PPARGC1A: variants seen among roughly 807,000 people sequenced by gnomAD.
PPARGC1A encodes the protein PPARG coactivator 1 alpha, also known as peroxisome proliferator-activated receptor gamma coactivator 1-alpha.
A neutral mutation model predicts 88.7 loss-of-function variants in PPARGC1A; 25 were observed. The observed-to-expected ratio is 0.28, with a 90% CI of 0.21 to 0.39. PPARGC1A has a LOEUF of 0.39. Among genes scored for constraint, PPARGC1A ranks in the 10% least tolerant of loss-of-function variants. The pLI is 1.00. For synonymous variants in PPARGC1A, 363 were observed against 355.6 expected (o/e 1.02, Z -0.24); for missense variants, 880 against 968.7 (o/e 0.91, Z 1.22).
At chr4:24,074,475 A>G in the PPARGC1A span, among the ~76,000 whole-genome samples, 403 of 152,212 alleles carry the variant, frequency 2.6e-3, 2 homozygotes, top group African/African-American at 9.4e-3. Context: ...GCTTTATTGA[A>G]GTATATAATG....
intron 10 of PPARGC1A, among the ~76,000 whole-genome samples, chr4:23,812,248 T>A (rs1721046032): frequency 6.6e-6 from 1 of 151,992 alleles, no homozygotes; most frequent in South Asian, 2.1e-4. Flanking sequence ...TGGCCAGAAA[T>A]GATGACTTTC....
At chr4:23,921,421 C>A in the PPARGC1A span, among the ~76,000 whole-genome samples, 8 of 152,216 alleles carry the variant, frequency 5.3e-5, no homozygotes, top group African/African-American at 1.9e-4. Context: ...TTTCTTCCAG[C>A]GTCTCCAGTT....
At chr4:24,054,138 A>G in the PPARGC1A span, among the ~76,000 whole-genome samples, 2 of 152,230 alleles carry the variant, frequency 1.3e-5, no homozygotes, top group African/African-American at 2.4e-5. Context: ...ATTAGAGGAT[A>G]GAACCAGCTG....
At chr4:23,879,972 G>C (rs113112281) in intron 2 of PPARGC1A, 1 of 151,970 alleles carries the variant, frequency 6.6e-6, no homozygotes, top group Non-Finnish European at 1.5e-5. Flanking sequence ...CTATGAAAAC[G>C]CTCTGCTCTT....
the PPARGC1A span, among the ~76,000 whole-genome samples, chr4:24,039,455 G>A: frequency 1.3e-5 from 2 of 152,140 alleles, no homozygotes; most frequent in Admixed American, 1.3e-4. Flanking sequence ...TCTAGAATGT[G>A]AATATTTAAG....
chr4:24,273,691 G>A, the PPARGC1A span, among the ~76,000 whole-genome samples: 3 of 150,706 alleles, frequency 2.0e-5, no homozygotes, highest in Non-Finnish European at 4.4e-5. Flanking sequence ...TTGTATGGAC[G>A]AGACTCTAAA....
intron 10 of PPARGC1A, among the ~76,000 whole-genome samples, chr4:23,808,933 T>C (rs1720369802): frequency 6.6e-6 from 1 of 152,130 alleles, no homozygotes; most frequent in Admixed American, 6.6e-5. Context: ...AAAATAACAA[T>C]TATTAAATTT....
At chr4:24,453,745 A>C in the PPARGC1A span, among the ~76,000 whole-genome samples, 1 of 151,460 alleles carries the variant, frequency 6.6e-6, no homozygotes, top group Non-Finnish European at 1.5e-5. Context: ...ATGCCATTGC[A>C]CTCCAGCCTG....
the PPARGC1A span, among the ~76,000 whole-genome samples, chr4:24,455,803 G>A: frequency 3.3e-5 from 5 of 152,300 alleles, 1 homozygote; most frequent in African/African-American, 9.6e-5. Flanking sequence ...GATGCAACAC[G>A]AAGGCCCTCA....
chr4:23,861,615 C>T (rs562378472), intron 2 of PPARGC1A, among the ~76,000 whole-genome samples: 139 of 152,034 alleles, frequency 9.1e-4, no homozygotes, highest in African/African-American at 2.9e-3. Context: ...CTATTATGTG[C>T]AAGGAATTGT....
At chr4:24,259,293 C>G in the PPARGC1A span, among the ~76,000 whole-genome samples, 459 of 152,234 alleles carry the variant, frequency 3.0e-3, 5 homozygotes, top group Non-Finnish European at 4.3e-3. Context: ...CAGCACTGAC[C>G]CCTTCACTCA....
chr4:23,939,400 A>G, the PPARGC1A span, among the ~76,000 whole-genome samples: 1 of 152,212 alleles, frequency 6.6e-6, no homozygotes, highest in African/African-American at 2.4e-5. Context: ...AGCATACTCA[A>G]AAATGTGTGT....
the PPARGC1A span, among the ~76,000 whole-genome samples, chr4:24,257,682 C>T: frequency 6.6e-6 from 1 of 152,172 alleles, no homozygotes; most frequent in Admixed American, 6.5e-5. Flanking sequence ...GCCTCCTCCC[C>T]CTGCCCCATG....
the PPARGC1A span, among the ~76,000 whole-genome samples, chr4:24,225,618 C>T: frequency 6.6e-6 from 1 of 151,670 alleles, no homozygotes; most frequent in Admixed American, 6.6e-5. Context: ...AAGCTGAATC[C>T]CATGAGATTT....
At chr4:24,296,012 A>ATATATGTGTGTG in the PPARGC1A span, among the ~76,000 whole-genome samples, 6 of 86,668 alleles carry the variant, frequency 6.9e-5, no homozygotes, top group Non-Finnish European at 1.3e-4. Context: ...GTATGTGTGT[A>ATATATGTGTGTG]TATATATGTA....
At chr4:23,851,053 G>A (rs1247591669) in intron 2 of PPARGC1A, among the ~76,000 whole-genome samples, 1 of 152,130 alleles carries the variant, frequency 6.6e-6, no homozygotes, top group Non-Finnish European at 1.5e-5. Context: ...CAGTTCAGAA[G>A]TTTCATTACA....
the PPARGC1A span, among the ~76,000 whole-genome samples, chr4:24,295,238 T>A: frequency 4.7e-4 from 71 of 152,298 alleles, no homozygotes; most frequent in African/African-American, 1.7e-3. Context: ...ATGGTAATAA[T>A]CTCTTTCCCT....
chr4:23,831,868 C>A lies in PPARGC1A; in HGVS notation c.235-117G>T. 7.6e-6 allele frequency: 6 copies of A among 784,716 alleles called. No homozygotes were observed. The South Asian group carries it at 8.8e-5, about 11-fold the overall frequency. The allele number at this position is 784,716 out of a possible 1,614,324, so 48.6% of individuals were successfully genotyped here. ...TACGTGAAATCTAGAATGCCCATTC[C>A]AGAACACAAAGATCATGTCTTTCTC... On this transcript the variant is annotated intron_variant, in intron 2 of 12. Transcript: ENST00000264867.
At chr4:24,436,261 T>C in the PPARGC1A span, among the ~76,000 whole-genome samples, 4 of 152,168 alleles carry the variant, frequency 2.6e-5, no homozygotes, top group South Asian at 6.2e-4. Context: ...CACCAAAAAA[T>C]TGATGATGAG....
Sources: allele counts gnomAD v4.1 joint callset (sites outside exome capture counted in the v4.1 genomes callset), GRCh38; gene constraint gnomAD v4.1.1; transcripts MANE v1.5; gene names NCBI Gene and HGNC (gene_info 2026-07-23, HGNC 2026-07-21).